C2CD3: variants seen among roughly 807,000 people sequenced by gnomAD.
The protein encoded by C2CD3 is C2 domain containing 3 centriole elongation regulator.
Under a neutral mutation model 234.0 loss-of-function variants are expected in C2CD3, and 148 were observed. The ratio of observed to expected loss-of-function variants is 0.63; its 90% confidence interval spans 0.55 to 0.72. The LOEUF (loss-of-function observed/expected upper bound fraction) is 0.72. C2CD3 is among the 30% of genes least tolerant of loss of function. The pLI is 0.00. For synonymous variants in C2CD3, 1,000 were observed against 1,035.4 expected (o/e 0.97, Z 0.66); for missense variants, 2,577 against 2,811.5 (o/e 0.92, Z 1.89).
Position 74,165,559 on chromosome 11 carries a change from C to T in C2CD3, c.325+2785G>A, listed in dbSNP as rs566374127. On this transcript the variant is annotated intron_variant, in intron 2 of 32. Transcript: ENST00000334126. ...ATAATAATAATGCGAATACCTACCA[C>T]ACAGCTTAAGAAATAGCATACTTTT... 2.6e-5 allele frequency among the ~76,000 whole-genome samples: 4 copies of T among 152,318 alleles called. No homozygotes were observed. In the South Asian group the frequency reaches 6.2e-4, roughly 24 times the overall value.
At chr11:74,062,615 A>C (rs1399615940) in intron 24 of C2CD3, among the ~76,000 whole-genome samples, 1 of 152,162 alleles carries the variant, frequency 6.6e-6, no homozygotes, top group African/African-American at 2.4e-5. Context: ...TCTGGGACAC[A>C]TTTAAAGCAG....
chr11:74,023,996 C>T (rs1056586175), intron 32 of C2CD3, among the ~76,000 whole-genome samples: 1 of 152,162 alleles, frequency 6.6e-6, no homozygotes, highest in Non-Finnish European at 1.5e-5. Flanking sequence ...ACCCACAACC[C>T]AATCTAAGAA....
Position 74,118,292 on chromosome 11 carries a change from A to G in C2CD3, c.1456T>C (p.Ser486Pro), listed in dbSNP as rs753895690. 6.2e-7 allele frequency: 1 copy of G among 1,613,154 alleles called. No individual in the cohort carries two copies. The highest frequency in any genetic ancestry group is 8.5e-7 in the Non-Finnish European group (1 of 1,179,160). Reference protein sequence around the residue: ...KISQSTALARSSKVLESSDHK... With the variant: ...KISQSTALARPSKVLESSDHK... ...TCACTTGACTCCAGAACCTTAGATG[A>G]TCTGGCAAGAGCTGTTGACTGGCTT... is the stretch of plus-strand genomic sequence containing the variant. Residue 486 changes from serine (S) to proline (P), a missense_variant, in exon 9 of 33, where the codon TCA (serine) becomes CCA (proline). Ser to Pro is a moderately conservative substitution (Grantham distance 74, BLOSUM62 -1). Transcript: ENST00000334126.
At chr11:74,085,930 T>C in intron 20 of C2CD3, 44 bp from the exon 21 acceptor site, 1 of 1,543,148 alleles carries the variant, frequency 6.5e-7, no homozygotes, top group South Asian at 1.2e-5. Flanking sequence ...CATGGTAACA[T>C]TAGAAATCAG....
chr11:74,033,659 A>G lies in C2CD3; in HGVS notation c.6501T>C (p.Ser2167=). 6.5e-7 allele frequency: 1 copy of G among 1,536,208 alleles called. No individual in the cohort carries two copies. The part of the protein sequence containing the change: ...EASKARVGGE[S]ASANPQPIPC... ...GGATGGGCTGAGGGTTGGCTGAGGC[A>G]GACTCGCCACCAACCCTGGCCTTAG... Residue 2167 remains serine, a synonymous_variant, in exon 31 of 33, where the codon TCT becomes TCC. Coordinates refer to ENST00000334126, the MANE Select transcript of C2CD3 (RefSeq NM_001286577.2).
At chr11:74,102,448 T>C (rs1956351218) in intron 14 of C2CD3, among the ~76,000 whole-genome samples, 1 of 152,138 alleles carries the variant, frequency 6.6e-6, no homozygotes, top group South Asian at 2.1e-4. Flanking sequence ...TATATAGAAA[T>C]GTAGACATGG....
intron 11 of C2CD3, among the ~76,000 whole-genome samples, chr11:74,110,870 G>A (rs1276404032): frequency 2.6e-5 from 4 of 152,122 alleles, no homozygotes; most frequent in African/African-American, 7.2e-5. Context: ...ATTGTTAAGA[G>A]AGGCCCACAG....
At chr11:74,049,604 G>A in intron 26 of C2CD3, 62 bp from the exon 27 acceptor site, 1 of 1,318,756 alleles carries the variant, frequency 7.6e-7, no homozygotes, top group Non-Finnish European at 1.1e-6. Flanking sequence ...TGAGATTAGA[G>A]GGTGCACACA....
chr11:74,065,086 T>A (rs922522999), intron 24 of C2CD3, among the ~76,000 whole-genome samples: 2 of 152,074 alleles, frequency 1.3e-5, no homozygotes, highest in African/African-American at 4.8e-5. Flanking sequence ...ACTAAAGAGC[T>A]TTTGTACAGC....
intron 3 of C2CD3, among the ~76,000 whole-genome samples, chr11:74,155,815 T>C (rs559813601): frequency 1.9e-4 from 29 of 152,278 alleles, no homozygotes; most frequent in African/African-American, 6.3e-4. Context: ...ATAGCAGTGA[T>C]GATTGTAAAA....
intron 8 of C2CD3, among the ~76,000 whole-genome samples, chr11:74,122,217 TTC>T (rs1374005124): frequency 1.3e-5 from 2 of 152,226 alleles, no homozygotes; most frequent in African/African-American, 4.8e-5. Context: ...TTTGTATCTT[TTC>T]TCTGCTTCTC....
intron 3 of C2CD3, among the ~76,000 whole-genome samples, chr11:74,140,361 C>T (rs1201140752): frequency 2.0e-5 from 3 of 152,232 alleles, no homozygotes; most frequent in Non-Finnish European, 2.9e-5. Flanking sequence ...TCCTTCTTTA[C>T]GTCTAAGTAG....
At chr11:74,039,584 T>C (rs1183031198) in intron 29 of C2CD3, among the ~76,000 whole-genome samples, 1 of 152,176 alleles carries the variant, frequency 6.6e-6, no homozygotes, top group East Asian at 1.9e-4. Flanking sequence ...GATTCTGATA[T>C]ACACTAAATT....
At chr11:74,018,336 C>T (rs72984825) in intron 32 of C2CD3, among the ~76,000 whole-genome samples, 18,183 of 152,124 alleles carry the variant, frequency 0.12, 1,477 homozygotes, top group Admixed American at 0.21. Flanking sequence ...AGCTGGGGTA[C>T]AGGATCTCCT....
intron 8 of C2CD3, among the ~76,000 whole-genome samples, chr11:74,118,654 C>A (rs1187418238): frequency 2.6e-5 from 4 of 152,142 alleles, no homozygotes; most frequent in Non-Finnish European, 5.9e-5. Context: ...TATTTATTGA[C>A]TATAGACCAT....
chr11:74,070,378 A>G (rs534321204), intron 24 of C2CD3: 8 of 152,266 alleles, frequency 5.3e-5, no homozygotes, highest in Non-Finnish European at 1.0e-4. Context: ...AAAGGTTTGC[A>G]TGAAGGAACC....
At chr11:74,116,919 CAT>C (rs1163801319) in intron 9 of C2CD3, among the ~76,000 whole-genome samples, 2 of 109,156 alleles carry the variant, frequency 1.8e-5, no homozygotes, top group South Asian at 2.8e-4. Context: ...TGTATATATA[CAT>C]ATACACGTGT....
chr11:74,078,100 A>G lies in C2CD3; in HGVS notation c.4603+15T>C, dbSNP rs113192756. The G allele has an allele frequency of 6.2e-7, 1 of 1,604,670 alleles. No individual in the cohort carries two copies. The highest frequency in any genetic ancestry group is 1.1e-5 in the South Asian group (1 of 89,564). ...GTGCTCAAACTACAAGAGTTGAATC[A>G]GGCTCCTCACTTACCACTGACAGTT... On this transcript the variant is annotated intron_variant, in intron 23 of 32. Coordinates refer to ENST00000334126, the MANE Select transcript of C2CD3 (RefSeq NM_001286577.2).
chr11:74,105,416 G>A (rs780123638), intron 13 of C2CD3, among the ~76,000 whole-genome samples: 7 of 151,938 alleles, frequency 4.6e-5, no homozygotes, highest in Non-Finnish European at 8.8e-5. Context: ...GATTACAGGC[G>A]TGTGCCACCA....
Sources: gnomAD v4.1 joint callset for allele counts (sites outside exome capture counted in the v4.1 genomes callset) on GRCh38, gnomAD v4.1.1 for gene constraint, MANE v1.5 for transcripts, NCBI Gene and HGNC (gene_info 2026-07-23, HGNC 2026-07-21) for gene names.